PRKG1: variants seen among roughly 807,000 people sequenced by gnomAD.
PRKG1 encodes the protein protein kinase cGMP-dependent 1.
PRKG1 carries 35 observed loss-of-function variants against 88.1 expected under a neutral mutation model. The observed-to-expected ratio is 0.40, with a 90% CI of 0.30 to 0.53. PRKG1 has a LOEUF of 0.53. PRKG1 is among the 20% of genes least tolerant of loss of function. PRKG1 has a pLI of 0.59. For missense variants in PRKG1, 540 were observed against 839.8 expected (o/e 0.64, Z 4.41); for synonymous variants, 303 against 292.5 (o/e 1.04, Z -0.37).
intron 9 of PRKG1, among the ~76,000 whole-genome samples, chr10:52,174,517 A>C (rs1474455815): frequency 2.6e-5 from 4 of 152,036 alleles, no homozygotes; most frequent in Admixed American, 2.6e-4. Flanking sequence ...GACTATAAAG[A>C]AGCATTTAAT....
intron 2 of PRKG1, among the ~76,000 whole-genome samples, chr10:51,212,704 A>G (rs112938009): frequency 0.02 from 3,072 of 152,338 alleles, 47 homozygotes; most frequent in Middle Eastern, 0.051. Flanking sequence ...CAGCCAAAAA[A>G]CACATGAAAA....
rs1236082726 is a variant in PRKG1, at chr10:51,875,940, T to TTTTC, written c.699-31555_699-31552dup. 6.1e-5 allele frequency among the ~76,000 whole-genome samples: 7 copies of TTTTC among 114,176 alleles called. No individual in the cohort carries two copies. The East Asian group carries it at 1.6e-3, about 26-fold the overall frequency. 74.9% of individuals were successfully genotyped at this position (114,176 alleles called of 152,430 possible). ...TTTCTCCTCCTCCTTTATTCCTTTC[T>TTTTC]TTTCTTTCTTTCTTTTTTTTTTTTC... On this transcript the variant is annotated intron_variant, in intron 4 of 17. Coordinates refer to ENST00000373980, the MANE Select transcript of PRKG1 (RefSeq NM_006258.4).
intron 1 of PRKG1, among the ~76,000 whole-genome samples, chr10:51,002,848 T>C (rs182656629): frequency 2.6e-5 from 4 of 152,324 alleles, no homozygotes; most frequent in African/African-American, 9.6e-5. Context: ...ATGCTATTCC[T>C]TGGCCTCTTT....
intron 8 of PRKG1, among the ~76,000 whole-genome samples, chr10:52,142,799 T>C (rs976240818): frequency 6.6e-6 from 1 of 152,204 alleles, no homozygotes; most frequent in African/African-American, 2.4e-5. Context: ...TGATTTTCAT[T>C]GTACCGTCCT....
intron 4 of PRKG1, among the ~76,000 whole-genome samples, chr10:51,839,601 G>T (rs1840217665): frequency 1.3e-5 from 2 of 152,186 alleles, no homozygotes; most frequent in South Asian, 4.1e-4. Context: ...TTGAAAACCA[G>T]CCAGATAGCC....
chr10:51,302,121 C>A (rs1840904789), intron 2 of PRKG1, among the ~76,000 whole-genome samples: 1 of 152,206 alleles, frequency 6.6e-6, no homozygotes, highest in Non-Finnish European at 1.5e-5. Flanking sequence ...GTATCTTATA[C>A]TTCTTTTGAA....
Position 52,296,881 on chromosome 10 carries a change from C to A in PRKG1, c.*2981C>A, listed in dbSNP as rs982089820. 2 of 152,134 alleles carry A rather than the reference C, an allele frequency of 1.3e-5. No homozygotes were observed. The highest frequency in any genetic ancestry group is 1.9e-4 in the East Asian group (1 of 5,178). The allele number at this position is 152,134 out of a possible 1,614,324, so 9.4% of individuals were successfully genotyped here. A position where few individuals can be genotyped will look rare whatever the true frequency, so the allele number is the denominator to read the frequency against. On this transcript the variant is annotated 3_prime_UTR_variant, in exon 18 of 18. Transcript: ENST00000373980. ...AAAACAAATTTATTTTGGTTATATTCTTTACAAGTCATAATTTTTACCTAA... is the reference window on the plus strand; with the variant it reads ...AAAACAAATTTATTTTGGTTATATTATTTACAAGTCATAATTTTTACCTAA...
intron 3 of PRKG1, among the ~76,000 whole-genome samples, chr10:51,523,278 C>G (rs1449366301): frequency 2.0e-5 from 3 of 152,160 alleles, no homozygotes; most frequent in Non-Finnish European, 2.9e-5. Flanking sequence ...AGTGACTTCT[C>G]TACCTCAATC....
intron 3 of PRKG1, among the ~76,000 whole-genome samples, chr10:51,667,838 G>A (rs1418376357): frequency 6.6e-6 from 1 of 152,024 alleles, no homozygotes; most frequent in African/African-American, 2.4e-5. Context: ...GCTCTATATT[G>A]TGTTCACAGT....
intron 5 of PRKG1, among the ~76,000 whole-genome samples, chr10:51,965,704 C>T (rs560699067): frequency 4.1e-4 from 62 of 152,088 alleles, no homozygotes; most frequent in Non-Finnish European, 6.9e-4. Flanking sequence ...GTAAAAATAT[C>T]TGGATGAAAG....
intron 3 of PRKG1, among the ~76,000 whole-genome samples, chr10:51,601,065 G>A (rs1412204322): frequency 1.3e-5 from 2 of 151,876 alleles, no homozygotes; most frequent in Non-Finnish European, 2.9e-5. Flanking sequence ...CTGGAAAGAT[G>A]CAGATTTTCA....
intron 2 of PRKG1, among the ~76,000 whole-genome samples, chr10:51,162,988 G>T (rs1431315992): frequency 6.6e-6 from 1 of 151,918 alleles, no homozygotes; most frequent in Non-Finnish European, 1.5e-5. Context: ...CAAACTTTTG[G>T]GATTACAGAA....
chr10:51,885,880 C>G (rs1462312819), intron 4 of PRKG1, among the ~76,000 whole-genome samples: 1 of 152,112 alleles, frequency 6.6e-6, no homozygotes, highest in Non-Finnish European at 1.5e-5. Context: ...TATAAATTAT[C>G]TATTACTTAT....
At chr10:51,718,243 C>T (rs185623209) in intron 3 of PRKG1, among the ~76,000 whole-genome samples, 79 of 152,312 alleles carry the variant, frequency 5.2e-4, no homozygotes, top group Non-Finnish European at 1.1e-3. Context: ...GAAAAGGTCG[C>T]TTCTAAGCTG....
At chr10:51,730,509 CT>C (rs1157147925) in intron 3 of PRKG1, among the ~76,000 whole-genome samples, 6 of 152,148 alleles carry the variant, frequency 3.9e-5, no homozygotes, top group South Asian at 2.1e-4. Context: ...CTTTTCCCCC[CT>C]GGCTTGCTTC....
At chr10:51,024,173 T>C (rs925399174) in intron 1 of PRKG1, among the ~76,000 whole-genome samples, 10 of 152,218 alleles carry the variant, frequency 6.6e-5, no homozygotes, top group African/African-American at 2.2e-4. Flanking sequence ...AAATCTAAAT[T>C]GGGATCTTCC....
chr10:51,213,060 C>T (rs1838270270), intron 2 of PRKG1, among the ~76,000 whole-genome samples: 1 of 152,076 alleles, frequency 6.6e-6, no homozygotes, highest in Non-Finnish European at 1.5e-5. Flanking sequence ...GACTTGGAAC[C>T]AAGCCAAATG....
chr10:51,710,114 G>C (rs1470395380), intron 3 of PRKG1, among the ~76,000 whole-genome samples: 1 of 152,142 alleles, frequency 6.6e-6, no homozygotes, highest in Non-Finnish European at 1.5e-5. Flanking sequence ...TACTTTCACA[G>C]GAAACTTTAT....
At chr10:51,472,420 A>T (rs1840071141) in intron 3 of PRKG1, among the ~76,000 whole-genome samples, 1 of 151,984 alleles carries the variant, frequency 6.6e-6, no homozygotes, top group Admixed American at 6.6e-5. Context: ...ATACTTTTAC[A>T]TGCTATAAAA....
Sources: gnomAD v4.1 joint callset for allele counts (sites outside exome capture counted in the v4.1 genomes callset) on GRCh38, gnomAD v4.1.1 for gene constraint, MANE v1.5 for transcripts, NCBI Gene and HGNC (gene_info 2026-07-23, HGNC 2026-07-21) for gene names.